Variants in MAPK14 observed in about 807,000 individuals in gnomAD.
MAPK14 encodes the protein mitogen-activated protein kinase 14, also known as CSAID-binding protein.
Under a neutral mutation model 49.6 loss-of-function variants are expected in MAPK14, and 16 were observed. The ratio of observed to expected loss-of-function variants is 0.32; its 90% CI spans 0.22 to 0.49. The LOEUF is 0.49. MAPK14 is among the 20% of genes least tolerant of loss of function. The pLI, the probability that MAPK14 is intolerant of heterozygous loss-of-function variation, is 0.99. For missense variants in MAPK14, 200 were observed against 441.2 expected (o/e 0.45, Z 4.90); for synonymous variants, 142 against 158.0 (o/e 0.90, Z 0.76).
chr6:36,041,525 C>T (rs1349343294), intron 1 of MAPK14, among the ~76,000 whole-genome samples: 2 of 152,122 alleles, frequency 1.3e-5, no homozygotes, highest in East Asian at 1.9e-4. Flanking sequence ...TCATGCTTTT[C>T]CTTGATTACT....
intron 8 of MAPK14, among the ~76,000 whole-genome samples, chr6:36,084,184 C>A (rs889066509): frequency 6.6e-6 from 1 of 152,268 alleles, no homozygotes; most frequent in South Asian, 2.1e-4. Context: ...CACCAAAACC[C>A]CTCCAAAGGT....
intron 8 of MAPK14, among the ~76,000 whole-genome samples, chr6:36,086,413 G>C (rs1020086469): frequency 3.9e-5 from 6 of 152,052 alleles, no homozygotes; most frequent in Admixed American, 2.6e-4. Flanking sequence ...TAGACTCCTA[G>C]CTAGAGTAAT....
intron 8 of MAPK14, among the ~76,000 whole-genome samples, chr6:36,080,515 T>C (rs992579044): frequency 3.9e-5 from 6 of 152,242 alleles, no homozygotes; most frequent in African/African-American, 1.4e-4. Context: ...TTCATGGTTC[T>C]TCCATGATGT....
At chr6:36,082,996 A>C (rs1269473305) in intron 8 of MAPK14, among the ~76,000 whole-genome samples, 1 of 152,004 alleles carries the variant, frequency 6.6e-6, no homozygotes, top group African/African-American at 2.4e-5. Flanking sequence ...TTATTTTGGT[A>C]CTGGTTGTTA....
intron 1 of MAPK14, among the ~76,000 whole-genome samples, chr6:36,034,216 A>C (rs1762650545): frequency 6.6e-6 from 1 of 152,180 alleles, no homozygotes; most frequent in Non-Finnish European, 1.5e-5. Context: ...CATTAGAGTC[A>C]TGTCTCTTCC....
chr6:36,079,923 G>A (rs911081764), intron 8 of MAPK14, among the ~76,000 whole-genome samples: 1 of 151,862 alleles, frequency 6.6e-6, no homozygotes, highest in Non-Finnish European at 1.5e-5. Flanking sequence ...GTGGTTAAAT[G>A]TATTTAACAT....
downstream of MAPK14, among the ~76,000 whole-genome samples, chr6:36,113,803 C>G (rs780751621): frequency 5.3e-5 from 8 of 152,126 alleles, no homozygotes; most frequent in Non-Finnish European, 1.0e-4. Flanking sequence ...ACCTGGGGAA[C>G]CATTCTCAAA....
At chr6:36,117,494 C>G in the MAPK14 span, among the ~76,000 whole-genome samples, 1 of 152,188 alleles carries the variant, frequency 6.6e-6, no homozygotes, top group African/African-American at 2.4e-5. Context: ...ATTCCCAAGC[C>G]TGGATTAGCT....
chr6:36,030,576 A>G (rs376017311), intron 1 of MAPK14, among the ~76,000 whole-genome samples: 3 of 151,032 alleles, frequency 2.0e-5, no homozygotes, highest in South Asian at 2.1e-4. Flanking sequence ...ACTCCCAGCT[A>G]CTCAGGAGGC....
At chr6:36,065,622 A>AGGTGGTT (rs1376902305) in intron 3 of MAPK14, among the ~76,000 whole-genome samples, 17 of 151,150 alleles carry the variant, frequency 1.1e-4, no homozygotes, top group African/African-American at 3.9e-4. Context: ...GGGCTTTATA[A>AGGTGGTT]GCTAAGCCTC....
At chr6:36,123,986 A>G in the MAPK14 span, among the ~76,000 whole-genome samples, 1 of 151,490 alleles carries the variant, frequency 6.6e-6, no homozygotes, top group East Asian at 1.9e-4. Flanking sequence ...CGACTCACAG[A>G]GCTGTCCCCA....
chr6:36,061,983 C>T (rs2127428743), intron 3 of MAPK14, among the ~76,000 whole-genome samples: 1 of 151,460 alleles, frequency 6.6e-6, no homozygotes, highest in South Asian at 2.1e-4. Context: ...TCAGTGTTTT[C>T]TTTTTTTTTG....
chr6:36,116,754 TCTTC>T, the MAPK14 span, among the ~76,000 whole-genome samples: 5 of 152,134 alleles, frequency 3.3e-5, no homozygotes, highest in East Asian at 1.9e-4. Context: ...CTCCCTATGG[TCTTC>T]CTTCCTTCCT....
the MAPK14 span, among the ~76,000 whole-genome samples, chr6:36,120,710 C>T: frequency 5.3e-5 from 8 of 152,100 alleles, no homozygotes; most frequent in Admixed American, 5.2e-4. Context: ...AAAAGCTTGC[C>T]CCAGTTGACA....
At chr6:36,090,411 C>T (rs571733325) in intron 8 of MAPK14, among the ~76,000 whole-genome samples, 5 of 152,036 alleles carry the variant, frequency 3.3e-5, no homozygotes, top group Non-Finnish European at 5.9e-5. Context: ...GCAACCTCCA[C>T]CTCCTGAGGC....
chr6:36,115,327 A>T (rs56044978), downstream of MAPK14, among the ~76,000 whole-genome samples: 17,961 of 152,178 alleles, frequency 0.12, 1,150 homozygotes, highest in African/African-American at 0.17. Flanking sequence ...AACAAAAACC[A>T]GTGGTTCTAA....
chr6:36,058,925 A>G (rs1362153927), intron 2 of MAPK14, among the ~76,000 whole-genome samples: 1 of 144,160 alleles, frequency 6.9e-6, no homozygotes, highest in Non-Finnish European at 1.5e-5. Flanking sequence ...CTGCACCTGC[A>G]CTCTCCCAGG....
At chr6:36,052,027 C>G (rs1004552848) in intron 1 of MAPK14, among the ~76,000 whole-genome samples, 2 of 152,126 alleles carry the variant, frequency 1.3e-5, no homozygotes, top group Admixed American at 1.3e-4. Context: ...GGCTTTCTGT[C>G]ACTCTTTATC....
chr6:36,048,758 T>C (rs1441487549), intron 1 of MAPK14, among the ~76,000 whole-genome samples: 1 of 152,254 alleles, frequency 6.6e-6, no homozygotes, highest in African/African-American at 2.4e-5. Context: ...CTGGGTGTTT[T>C]GAACTTGGTA....
Sources: allele counts gnomAD v4.1 joint callset (sites outside exome capture counted in the v4.1 genomes callset), GRCh38; gene constraint gnomAD v4.1.1; transcripts MANE v1.5; gene names NCBI Gene and HGNC (gene_info 2026-07-23, HGNC 2026-07-21).